The following USH2A variants were observed in gnomAD, a reference collection of about 807,000 sequenced individuals.
USH2A encodes Usher syndrome 2A (autosomal recessive, mild).
In USH2A, 443 loss-of-function variants were observed where a neutral mutation model predicts 538.9. The ratio of observed to expected loss-of-function variants is 0.82; its 90% CI spans 0.76 to 0.89. The LOEUF is 0.89. USH2A is among the 40% of genes least tolerant of loss of function. USH2A has a pLI of 0.00. For synonymous variants in USH2A, 2,413 were observed against 2,273.5 expected, an observed-to-expected ratio of 1.06 and a Z score of -1.75; for missense variants, 6,633 against 6,324.8, an observed-to-expected ratio of 1.05 and a Z score of -1.65.
At chr1:215,658,234 A>G (rs1353595313) in intron 64 of USH2A, among the ~76,000 whole-genome samples, 1 of 151,858 alleles carries the variant, frequency 6.6e-6, no homozygotes, top group Non-Finnish European at 1.5e-5. Flanking sequence ...AAATAATCAA[A>G]ATTTGGAGTT....
At chr1:215,796,122 T>C (rs961013791) in intron 50 of USH2A, among the ~76,000 whole-genome samples, 2 of 152,190 alleles carry the variant, frequency 1.3e-5, no homozygotes, top group East Asian at 3.8e-4. Context: ...ATTCGATCTG[T>C]TGCAAATCAT....
At chr1:215,790,384 C>T in intron 50 of USH2A, 102 bp from the exon 51 acceptor site, 1 of 1,297,898 alleles carries the variant, frequency 7.7e-7, no homozygotes, top group Non-Finnish European at 1.1e-6. Flanking sequence ...CAGGCAGTTG[C>T]TGAAATGGTG....
At chr1:216,263,445 G>A (rs1397314580) in intron 11 of USH2A, among the ~76,000 whole-genome samples, 10 of 152,140 alleles carry the variant, frequency 6.6e-5, no homozygotes, top group African/African-American at 9.6e-5. Flanking sequence ...TTATACCAAG[G>A]ATGTAGGAAT....
chr1:216,125,096 G>T (rs534993011), intron 21 of USH2A, among the ~76,000 whole-genome samples: 3 of 151,864 alleles, frequency 2.0e-5, no homozygotes, highest in African/African-American at 7.3e-5. Context: ...ATTTTTATAC[G>T]GTCTTGAATG....
chr1:215,648,283 T>C (rs1656925295), intron 66 of USH2A, among the ~76,000 whole-genome samples: 1 of 152,222 alleles, frequency 6.6e-6, no homozygotes, highest in African/African-American at 2.4e-5. Flanking sequence ...GTAAAACATT[T>C]CGTTGTTCTC....
intron 11 of USH2A, among the ~76,000 whole-genome samples, chr1:216,256,321 CTTTTT>C (rs201852377): frequency 2.4e-5 from 3 of 125,542 alleles, no homozygotes; most frequent in East Asian, 2.4e-4. Context: ...TTCTTTTTTC[CTTTTT>C]TTTTTTTTTG....
rs577167423 is a variant in USH2A, at chr1:215,876,299, G to A, written c.8681+1459C>T. ...GCAGTTTCATATAGTTCATTCTGTT[G>A]CTTGATCAGATTTACGAGATGCCTC... On this transcript the variant is annotated intron_variant, in intron 43 of 71. Coordinates refer to ENST00000307340, the MANE Select transcript of USH2A (RefSeq NM_206933.4). 1.6e-3 allele frequency among the ~76,000 whole-genome samples: 251 copies of A among 152,220 alleles called. 1 individual carries two copies. Among genetic ancestry groups the A allele is most frequent in the African/African-American group, 5.9e-3 (245 of 41,548 alleles).
At position 215,680,092 on chromosome 1, in the gene USH2A, C is replaced by T. The variant is rs147884023; in HGVS notation, c.12294+57G>A. ...ACAGTGACCTGATGGCATGTCAGGG[C>T]TCATCTATTTATCTGGAGAACACCA... On this transcript the variant is annotated intron_variant, in intron 62 of 71. Coordinates refer to ENST00000307340, the MANE Select transcript of USH2A (RefSeq NM_206933.4). 5.8e-4 allele frequency: 897 copies of T among 1,557,234 alleles called. 5 individuals carry two copies. In the East Asian group the frequency reaches 0.017, roughly 30 times the overall value.
intron 53 of USH2A, 133 bp downstream of exon 53, chr1:215,782,605 A>G: frequency 1.0e-6 from 1 of 972,214 alleles, no homozygotes. Context: ...TCACATAATT[A>G]CAGTTCCCTT....
chr1:216,308,782 T>C (rs565363006), intron 9 of USH2A, among the ~76,000 whole-genome samples: 11 of 152,326 alleles, frequency 7.2e-5, no homozygotes, highest in African/African-American at 2.6e-4. Context: ...TTTATAATTA[T>C]ACAATAAGCC....
intron 32 of USH2A, among the ~76,000 whole-genome samples, chr1:216,032,138 A>G (rs190910758): frequency 6.6e-6 from 1 of 152,276 alleles, no homozygotes; most frequent in East Asian, 1.9e-4. Context: ...GGTACATAGT[A>G]CCTGCTCAAC....
intron 20 of USH2A, among the ~76,000 whole-genome samples, chr1:216,181,356 C>T (rs112087299): frequency 2.2e-3 from 342 of 152,206 alleles, no homozygotes; most frequent in African/African-American, 7.8e-3. Context: ...GGGTACCAGA[C>T]ATCCTGATCC....
intron 21 of USH2A, among the ~76,000 whole-genome samples, chr1:216,111,489 G>A (rs758364152): frequency 6.6e-6 from 1 of 151,900 alleles, no homozygotes; most frequent in African/African-American, 2.4e-5. Flanking sequence ...AATGAGTAGA[G>A]CTTACGGATC....
At position 216,247,285 on chromosome 1, in the gene USH2A, C is replaced by T. The variant is rs529058411; in HGVS notation, c.2168-59G>A. ...GGAAAATGATTTCATTCAAGATAGA[C>T]GAGACACAAACAATGCTACTGCAGA... On this transcript the variant is annotated intron_variant, in intron 12 of 71. Transcript: ENST00000307340. 2.1e-5 allele frequency: 33 copies of T among 1,597,476 alleles called. No individual in the cohort carries two copies. The Middle Eastern group carries it at 6.0e-4, about 29-fold the overall frequency.
chr1:215,650,011 C>T (rs984472188), intron 65 of USH2A, among the ~76,000 whole-genome samples: 1 of 152,194 alleles, frequency 6.6e-6, no homozygotes, highest in African/African-American at 2.4e-5. Flanking sequence ...CTCCTGTCTC[C>T]CAGTGTGCCT....
chr1:216,187,760 A>G (rs2034638240), intron 20 of USH2A, among the ~76,000 whole-genome samples: 1 of 151,944 alleles, frequency 6.6e-6, no homozygotes, highest in Non-Finnish European at 1.5e-5. Flanking sequence ...TGTGATGGGC[A>G]CTGCTTTAAA....
At chr1:215,890,046 G>A (rs965831886) in intron 40 of USH2A, among the ~76,000 whole-genome samples, 1 of 152,148 alleles carries the variant, frequency 6.6e-6, no homozygotes, top group Non-Finnish European at 1.5e-5. Flanking sequence ...GTACAAGCAA[G>A]AACATGGTGC....
At chr1:216,256,241 A>G (rs747976864) in intron 11 of USH2A, among the ~76,000 whole-genome samples, 1 of 150,450 alleles carries the variant, frequency 6.6e-6, no homozygotes, top group East Asian at 1.9e-4. Context: ...TAAATTTAGC[A>G]TTATTATTGA....
intron 47 of USH2A, among the ~76,000 whole-genome samples, chr1:215,828,009 G>T (rs573262487): frequency 6.6e-6 from 1 of 152,216 alleles, no homozygotes; most frequent in African/African-American, 2.4e-5. Flanking sequence ...AAGGATAGAA[G>T]AGATTCCCTG....
Sources: gnomAD v4.1 joint callset for allele counts (sites outside exome capture counted in the v4.1 genomes callset) on GRCh38, gnomAD v4.1.1 for gene constraint, MANE v1.5 for transcripts, NCBI Gene and HGNC (gene_info 2026-07-23, HGNC 2026-07-21) for gene names.